The following PDE10A variants were observed in gnomAD, a reference collection of about 807,000 sequenced individuals.
PDE10A encodes cAMP and cAMP-inhibited cGMP 3',5'-cyclic phosphodiesterase 10A.
Under a neutral mutation model 97.7 loss-of-function variants are expected in PDE10A, and 39 were observed. The ratio of observed to expected loss-of-function variants is 0.40; its 90% CI spans 0.31 to 0.52. The LOEUF is 0.52. Among genes scored for constraint, PDE10A ranks in the 20% least tolerant of loss-of-function variants. PDE10A has a pLI of 0.56. For missense variants in PDE10A, 731 were observed against 1,047.8 expected, an observed-to-expected ratio of 0.70 and a Z score of 4.17; for synonymous variants, 371 against 376.8, an observed-to-expected ratio of 0.98 and a Z score of 0.18.
chr6:165,973,031 A>T (rs1784734237), intron 1 of PDE10A, among the ~76,000 whole-genome samples: 1 of 151,938 alleles, frequency 6.6e-6, no homozygotes, highest in African/African-American at 2.4e-5. Flanking sequence ...CTGCTTAAAA[A>T]CATAGTTAGG....
At chr6:165,565,232 T>A (rs965955077) in intron 1 of PDE10A, among the ~76,000 whole-genome samples, 1 of 152,178 alleles carries the variant, frequency 6.6e-6, no homozygotes, top group African/African-American at 2.4e-5. Context: ...TTCTTGGAAC[T>A]AATAAGTGAT....
At chr6:165,448,903 C>T in intron 5 of PDE10A, 25 bp downstream of exon 5, 1 of 1,536,048 alleles carries the variant, frequency 6.5e-7, no homozygotes, top group Non-Finnish European at 9.0e-7. Flanking sequence ...ATCTAGAGCA[C>T]CAAAATCTAA....
chr6:165,960,555 G>A (rs1029847633), intron 1 of PDE10A, among the ~76,000 whole-genome samples: 2 of 152,192 alleles, frequency 1.3e-5, no homozygotes, highest in Non-Finnish European at 2.9e-5. Flanking sequence ...GTACATCAAA[G>A]ACAAAGACAA....
chr6:165,922,785 C>T (rs1782792949), intron 1 of PDE10A, among the ~76,000 whole-genome samples: 1 of 152,224 alleles, frequency 6.6e-6, no homozygotes, highest in Non-Finnish European at 1.5e-5. Context: ...CTGCTCACAA[C>T]TGTTTTCTCA....
intron 1 of PDE10A, among the ~76,000 whole-genome samples, chr6:165,772,727 A>G (rs1778048973): frequency 6.6e-6 from 1 of 152,168 alleles, no homozygotes; most frequent in Non-Finnish European, 1.5e-5. Context: ...AAGTGAGGAA[A>G]GTTTATGCCC....
intron 18 of PDE10A, among the ~76,000 whole-genome samples, chr6:165,345,333 T>C (rs1321976829): frequency 6.6e-6 from 1 of 152,204 alleles, no homozygotes; most frequent in Non-Finnish European, 1.5e-5. Context: ...GTTATTTAGA[T>C]TTCACTGTCA....
chr6:165,969,395 T>G (rs1784606091), intron 1 of PDE10A, among the ~76,000 whole-genome samples: 1 of 152,054 alleles, frequency 6.6e-6, no homozygotes, highest in Non-Finnish European at 1.5e-5. Context: ...TATGGGAGAT[T>G]GGCTACACCC....
At chr6:165,342,723 G>A (rs1011602740) in intron 19 of PDE10A, among the ~76,000 whole-genome samples, 1 of 152,146 alleles carries the variant, frequency 6.6e-6, no homozygotes. Context: ...TTTTGAATAT[G>A]CAAAGGCCTA....
At chr6:165,413,430 A>T in intron 13 of PDE10A, 71 bp downstream of exon 13, 1 of 1,101,896 alleles carries the variant, frequency 9.1e-7, no homozygotes, top group Non-Finnish European at 1.3e-6. Flanking sequence ...AAAGCCCTTA[A>T]GCTGCTTTAT....
chr6:165,359,866 T>C (rs1783277362), intron 18 of PDE10A, among the ~76,000 whole-genome samples: 1 of 152,198 alleles, frequency 6.6e-6, no homozygotes, highest in African/African-American at 2.4e-5. Context: ...GTTTGTGGGC[T>C]GTGCACACAG....
At chr6:165,528,310 C>A (rs984574251) in intron 2 of PDE10A, among the ~76,000 whole-genome samples, 16 of 152,170 alleles carry the variant, frequency 1.1e-4, no homozygotes, top group Non-Finnish European at 1.9e-4. Context: ...ATTCTGTGGA[C>A]ACCACTCAGC....
intron 1 of PDE10A, among the ~76,000 whole-genome samples, chr6:165,803,814 C>T (rs938186698): frequency 6.6e-6 from 1 of 152,324 alleles, no homozygotes; most frequent in African/African-American, 2.4e-5. Flanking sequence ...TACATGCAGG[C>T]ACAGTTAGAG....
chr6:165,685,615 A>G (rs556977778), intron 1 of PDE10A, among the ~76,000 whole-genome samples: 20 of 152,212 alleles, frequency 1.3e-4, no homozygotes, highest in African/African-American at 4.8e-4. Flanking sequence ...CAGCTTCTCC[A>G]TCACAGCCCA....
chr6:165,472,235 T>C (rs1456057544), intron 3 of PDE10A, among the ~76,000 whole-genome samples: 1 of 152,134 alleles, frequency 6.6e-6, no homozygotes, highest in East Asian at 1.9e-4. Context: ...TCCTCAACAT[T>C]GGCCATTTCA....
intron 1 of PDE10A, among the ~76,000 whole-genome samples, chr6:165,738,044 G>A (rs372608654): frequency 6.7e-6 from 1 of 150,346 alleles, no homozygotes; most frequent in East Asian, 2.0e-4. Context: ...CAAGTTTTAG[G>A]GTACATGTGC....
intron 5 of PDE10A, among the ~76,000 whole-genome samples, chr6:165,448,610 A>G (rs1290678402): frequency 6.6e-6 from 1 of 152,056 alleles, no homozygotes; most frequent in African/African-American, 2.4e-5. Flanking sequence ...GCATTCCTCT[A>G]CAACATCCCA....
intron 15 of PDE10A, 42 bp from the exon 16 acceptor site, chr6:165,392,838 A>G: frequency 6.3e-7 from 1 of 1,591,286 alleles, no homozygotes; most frequent in Non-Finnish European, 8.6e-7. Flanking sequence ...CCAGTAGAGA[A>G]TCACTATGTT....
intron 1 of PDE10A, among the ~76,000 whole-genome samples, chr6:165,818,176 C>T (rs2128468601): frequency 6.6e-6 from 1 of 152,312 alleles, no homozygotes; most frequent in Non-Finnish European, 1.5e-5. Context: ...TGCTCGCTCA[C>T]TGTCACACGC....
intron 13 of PDE10A, among the ~76,000 whole-genome samples, chr6:165,397,653 G>A (rs1188593539): frequency 2.1e-5 from 3 of 140,426 alleles, no homozygotes; most frequent in Admixed American, 1.5e-4. Flanking sequence ...AGTGAGCCAA[G>A]ATGGCGCCAT....
Sources: allele counts gnomAD v4.1 joint callset (sites outside exome capture counted in the v4.1 genomes callset), GRCh38; gene constraint gnomAD v4.1.1; transcripts MANE v1.5; gene names NCBI Gene and HGNC (gene_info 2026-07-23, HGNC 2026-07-21).